DNAH10: variants seen among roughly 807,000 people sequenced by gnomAD.
DNAH10 encodes axonemal beta dynein heavy chain 10.
In DNAH10, 348 loss-of-function variants were observed where a neutral mutation model predicts 506.6. The ratio of observed to expected loss-of-function variants is 0.69; its 90% CI spans 0.63 to 0.75. The LOEUF (loss-of-function observed/expected upper bound fraction) is 0.75. DNAH10 is among the 30% of genes least tolerant of loss of function. DNAH10 has a pLI of 0.00. For synonymous variants in DNAH10, 2,059 were observed against 2,198.6 expected, an observed-to-expected ratio of 0.94 and a Z score of 1.78; for missense variants, 5,179 against 5,787.1, an observed-to-expected ratio of 0.89 and a Z score of 3.41.
intron 3 of DNAH10, among the ~76,000 whole-genome samples, chr12:123,771,946 A>G (rs946149644): frequency 6.6e-5 from 10 of 152,228 alleles, no homozygotes; most frequent in Non-Finnish European, 1.2e-4. Context: ...AAAAAAAGGA[A>G]AAAACGTGCA....
chr12:123,877,981 C>G (rs2137032168), intron 48 of DNAH10, 73 bp downstream of exon 48: 1 of 1,499,062 alleles, frequency 6.7e-7, no homozygotes, highest in East Asian at 2.3e-5. Context: ...AGACAGAGGG[C>G]TTATCAGTGG....
At chr12:123,855,650 T>C (rs56064083) in intron 36 of DNAH10, among the ~76,000 whole-genome samples, 5 of 140,970 alleles carry the variant, frequency 3.5e-5, no homozygotes, top group Non-Finnish European at 7.7e-5. Context: ...AAAAAAAAAA[T>C]AATAATAAAA....
rs375275904 is a variant in DNAH10 at position 123,933,852 on chromosome 12, G to A, written c.13477+341G>A. Among the ~76,000 whole-genome samples the A allele has an allele frequency of 5.9e-5, 9 of 152,300 alleles. No homozygotes were observed. The South Asian group carries it at 6.2e-4, about 11-fold the overall frequency. On this transcript the variant is annotated intron_variant, in intron 77 of 78. Coordinates refer to ENST00000673944, the MANE Select transcript of DNAH10 (RefSeq NM_001372106.1). ...AGGTGGCTTTCTTGTAACCCCTGACGGGGCCAGGGGCATGGGAGCCACAGA... is the reference window on the plus strand; with the variant it reads ...AGGTGGCTTTCTTGTAACCCCTGACAGGGCCAGGGGCATGGGAGCCACAGA...
At chr12:123,866,187 C>A in intron 41 of DNAH10, 114 bp downstream of exon 41, 1 of 704,920 alleles carries the variant, frequency 1.4e-6, no homozygotes, top group Middle Eastern at 4.2e-4. Flanking sequence ...TTGACCTGCC[C>A]ATGTCCCTGA....
intron 39 of DNAH10, among the ~76,000 whole-genome samples, chr12:123,861,724 G>A (rs531716553): frequency 6.6e-6 from 1 of 152,344 alleles, no homozygotes; most frequent in African/African-American, 2.4e-5. Flanking sequence ...CTTTTAGTTG[G>A]TCCTATAATA....
intron 40 of DNAH10, 110 bp from the exon 41 acceptor site, chr12:123,865,838 GTAT>G: frequency 9.3e-7 from 1 of 1,079,976 alleles, no homozygotes; most frequent in Admixed American, 3.0e-5. Flanking sequence ...GTTGATTTTG[GTAT>G]TATTTGGATT....
intron 21 of DNAH10, among the ~76,000 whole-genome samples, chr12:123,817,474 T>A (rs779338246): frequency 6.6e-6 from 1 of 152,158 alleles, no homozygotes; most frequent in African/African-American, 2.4e-5. Flanking sequence ...TTTTCCCGGT[T>A]CCTTAAACAA....
At chr12:123,805,773 CTTTTTTTTT>C (rs779610748) in intron 18 of DNAH10, among the ~76,000 whole-genome samples, 2 of 138,698 alleles carry the variant, frequency 1.4e-5, no homozygotes, top group South Asian at 2.3e-4. Context: ...CTCTTCTTTT[CTTTTTTTTT>C]TTTTTTTTGT....
At chr12:123,835,962 G>C (rs1249589162) in intron 28 of DNAH10, among the ~76,000 whole-genome samples, 2 of 152,122 alleles carry the variant, frequency 1.3e-5, no homozygotes, top group African/African-American at 4.8e-5. Flanking sequence ...CATTATTTAT[G>C]ACCCTAATCT....
rs765197772 is a variant in DNAH10, at chr12:123,838,626, C to T, written c.5073C>T (p.Asp1691=). The T allele has an allele frequency of 8.7e-6, 14 of 1,613,976 alleles. No homozygotes were observed. Among genetic ancestry groups the T allele is most frequent in the East Asian group, 2.2e-5 (1 of 44,882 alleles). ...TCCCAAGGTTCTTCTTCATTTCTGA[C>T]GATGAGTTGCTTAGCATTCTGGGGA... The part of the protein sequence containing the change: ...NAFPRFFFIS[D]DELLSILGSS... The change falls in exon 29 of 79, where the codon GAC becomes GAT. Residue 1691 remains aspartate (D), a synonymous_variant. Coordinates refer to ENST00000673944, the MANE Select transcript of DNAH10 (RefSeq NM_001372106.1).
In DNAH10 at chr12:123,861,120, G is replaced by A. The variant is rs775603699; in HGVS notation, c.6858G>A (p.Leu2286=). The A allele has an allele frequency of 6.2e-7, 1 of 1,613,982 alleles. No homozygotes were observed. Among genetic ancestry groups the A allele is most frequent in the Non-Finnish European group, 8.5e-7 (1 of 1,179,890 alleles). The change falls in exon 39 of 79, where the codon TTG becomes TTA. Residue 2286 remains leucine (L), a synonymous_variant. Coordinates refer to ENST00000673944, the MANE Select transcript of DNAH10 (RefSeq NM_001372106.1). ...CCCGAGACTGGACAGATGGGGTGTTGTCAAACATCTTCAGGGAAATCAACA... is the reference window on the plus strand; with the variant it reads ...CCCGAGACTGGACAGATGGGGTGTTATCAAACATCTTCAGGGAAATCAACA... ...PTTRDWTDGV[L]SNIFREINKP... is the part of the protein sequence containing the mutation.
At position 123,909,357 on chromosome 12, in the gene DNAH10, C is replaced by T. The variant is rs769031033; in HGVS notation, c.9912C>T (p.Gly3304=). 30 of 1,612,078 alleles carry T rather than the reference C, an allele frequency of 1.9e-5. No homozygotes were observed. Among genetic ancestry groups the T allele is most frequent in the Non-Finnish European group, 2.1e-5 (25 of 1,179,206 alleles). ...YKELNWKTAK[G]VMSDPNFLRS... Reference sequence around the variant, plus strand: ...AGCTGAACTGGAAAACAGCCAAGGGCGTGATGTCCGACCCGAATTTCCTGC... The same window carrying T: ...AGCTGAACTGGAAAACAGCCAAGGGTGTGATGTCCGACCCGAATTTCCTGC... Residue 3304 remains glycine, a synonymous_variant, in exon 58 of 79, where the codon GGC becomes GGT. Transcript: ENST00000673944. This position sits in a 1 kb window ranked among gnomAD's most constrained non-coding sequence, Gnocchi z 5.4.
intron 36 of DNAH10, among the ~76,000 whole-genome samples, chr12:123,856,190 T>C (rs1460255163): frequency 6.8e-6 from 1 of 147,394 alleles, no homozygotes; most frequent in Non-Finnish European, 1.5e-5. Flanking sequence ...TGATATAAAA[T>C]ATATAAATTT....
At position 123,916,369 on chromosome 12, in the gene DNAH10, C is replaced by G; in HGVS notation, c.10723-88C>G. The G allele has an allele frequency of 6.6e-7, 1 of 1,516,812 alleles. No homozygotes were observed. Among genetic ancestry groups the G allele is most frequent in the Non-Finnish European group, 8.8e-7 (1 of 1,132,224 alleles). The allele number at this position is 1,516,812 out of a possible 1,614,324, so 94.0% of individuals were successfully genotyped here. On this transcript the variant is annotated intron_variant, in intron 62 of 78. Coordinates refer to ENST00000673944, the MANE Select transcript of DNAH10 (RefSeq NM_001372106.1). The surrounding 1 kb of genome is among the most constrained non-coding windows in gnomAD (Gnocchi z 4.6). ...CCCCTCCAAGTTCCTGGCCCATCCA[C>G]TTCCCACTTCCAAGCCATTCTCCCC...
rs553390250 is a variant in DNAH10, at chr12:123,776,164, C to A, written c.621+1900C>A. Among the ~76,000 whole-genome samples, 69 of 152,142 alleles carry A rather than the reference C, an allele frequency of 4.5e-4. 2 individuals are homozygous for A. The highest frequency in any genetic ancestry group is 1.6e-3 in the African/African-American group (68 of 41,486). On this transcript the variant is annotated intron_variant, in intron 5 of 78. Coordinates refer to ENST00000673944, the MANE Select transcript of DNAH10 (RefSeq NM_001372106.1). ...ATTAAAGATGAGATTTGGGTGGGGA[C>A]ACGGCCAAACCACATCAAGGGTGAT...
intron 30 of DNAH10, among the ~76,000 whole-genome samples, chr12:123,843,716 T>C (rs1950851358): frequency 6.6e-6 from 1 of 152,206 alleles, no homozygotes; most frequent in Non-Finnish European, 1.5e-5. Context: ...TAGTTGGGAT[T>C]ACAGGTGCAC....
Position 123,930,504 on chromosome 12 carries a change from T to C in DNAH10, c.12715T>C (p.Phe4239Leu). Residue 4239 changes from phenylalanine to leucine, a missense_variant, in exon 73 of 79, where the codon TTC becomes CTC. By Grantham distance (22) the Phe-to-Leu change is conservative. Transcript: ENST00000673944. Reference protein sequence around the residue: ...GDFIFDTFQPFHFFRNKEVDY... With the variant: ...GDFIFDTFQPLHFFRNKEVDY... Reference sequence around the variant, plus strand: ...CTTCATTTTTGATACTTTCCAGCCATTCCACTTCTTCCGGAACAAGGAAGT... The same window carrying C: ...CTTCATTTTTGATACTTTCCAGCCACTCCACTTCTTCCGGAACAAGGAAGT... The C allele has an allele frequency of 1.2e-6, 2 of 1,610,640 alleles. No homozygotes were observed. Among genetic ancestry groups the C allele is most frequent in the Non-Finnish European group, 1.7e-6 (2 of 1,178,980 alleles).
At chr12:123,924,469 C>T in intron 67 of DNAH10, 37 bp downstream of exon 67, 1 of 1,600,444 alleles carries the variant, frequency 6.2e-7, no homozygotes, top group Non-Finnish European at 8.5e-7. Context: ...TCTCCTTCCC[C>T]ACATGTCAAC....
chr12:123,888,976 T>G (rs1169690619), intron 52 of DNAH10, among the ~76,000 whole-genome samples: 1 of 152,238 alleles, frequency 6.6e-6, no homozygotes, highest in Non-Finnish European at 1.5e-5. Context: ...TATTCATTAT[T>G]GTATTGCTGT....
Sources: allele counts gnomAD v4.1 joint callset (sites outside exome capture counted in the v4.1 genomes callset), GRCh38; gene constraint gnomAD v4.1.1; non-coding constraint Gnocchi (gnomAD v3.1); transcripts MANE v1.5; gene names NCBI Gene and HGNC (gene_info 2026-07-23, HGNC 2026-07-21).